Variants in RICTOR observed in about 807,000 individuals in gnomAD.
RICTOR encodes the protein rapamycin-insensitive companion of mTOR.
In RICTOR, 49 loss-of-function variants were observed where a neutral mutation model predicts 214.9. The ratio of observed to expected loss-of-function variants is 0.23; its 90% CI spans 0.18 to 0.29. The LOEUF (loss-of-function observed/expected upper bound fraction) is 0.29. Among genes scored for constraint, RICTOR ranks in the 10% least tolerant of loss-of-function variants. The probability of loss-of-function intolerance (pLI) is 1.00; values close to 1 mark genes in which losing one functional copy is unlikely to be tolerated. For synonymous variants in RICTOR, 717 were observed against 711.3 expected, an observed-to-expected ratio of 1.01 and a Z score of -0.13; for missense variants, 1,625 against 2,047.0, an observed-to-expected ratio of 0.79 and a Z score of 3.98.
intron 28 of RICTOR, 107 bp from the exon 29 acceptor site, chr5:38,953,198 G>A (rs544436645): frequency 1.3e-6 from 1 of 742,766 alleles, no homozygotes; most frequent in Admixed American, 2.6e-5. Flanking sequence ...GAGAAAAAAT[G>A]TAAAAGCCTC....
chr5:38,984,717 C>T (rs568124255), intron 7 of RICTOR, among the ~76,000 whole-genome samples: 1 of 152,224 alleles, frequency 6.6e-6, no homozygotes, highest in African/African-American at 2.4e-5. Flanking sequence ...GTAACCAACA[C>T]CATTCCTACT....
Position 38,952,390 on chromosome 5 carries a change from G to C in RICTOR, c.2933C>G (p.Thr978Ser), listed in dbSNP as rs767977009. 1.2e-6 allele frequency: 2 copies of C among 1,612,432 alleles called. No individual in the cohort carries two copies. Among genetic ancestry groups the C allele is most frequent in the Non-Finnish European group, 1.7e-6 (2 of 1,178,944 alleles). ...TTTTAGAATATCACAGCCTTGTTTG[G>C]TTTTAGCTATGAGCCCAAGTACATA... ...CVYVLGLIAK[T>S]KQGCDILKCH... Residue 978 changes from threonine (T) to serine (S), a missense_variant, in exon 30 of 38, where the codon ACC becomes AGC. Coordinates refer to ENST00000357387, the MANE Select transcript of RICTOR (RefSeq NM_152756.5).
intron 15 of RICTOR, among the ~76,000 whole-genome samples, chr5:38,965,360 A>G (rs2150028681): frequency 6.6e-6 from 1 of 152,158 alleles, no homozygotes; most frequent in Admixed American, 6.5e-5. Context: ...AAAATAAGAA[A>G]TATTAATTTC....
intron 2 of RICTOR, among the ~76,000 whole-genome samples, chr5:39,040,444 T>C (rs1757085386): frequency 6.6e-6 from 1 of 152,162 alleles, no homozygotes; most frequent in Non-Finnish European, 1.5e-5. Flanking sequence ...TGTGCACATG[T>C]ACCCTAAAAC....
chr5:38,950,076 C>T lies in RICTOR; in HGVS notation c.3772G>A (p.Val1258Met). 6.2e-7 allele frequency: 1 copy of T among 1,612,742 alleles called. No individual in the cohort carries two copies. The highest frequency in any genetic ancestry group is 2.2e-5 in the East Asian group (1 of 44,856). The part of the protein sequence containing the change: ...MDTDCGSMST[V>M]VSTKTIKTSH... ...GTCTTAATAGTTTTAGTACTTACCACAGTACTCATGCTTCCACAGTCTGTG... is the reference window on the plus strand; with the variant it reads ...GTCTTAATAGTTTTAGTACTTACCATAGTACTCATGCTTCCACAGTCTGTG... The change falls in exon 31 of 38, where the codon GTG (valine) becomes ATG (methionine). Residue 1258 changes from valine (V) to methionine (M), a missense_variant. Coordinates refer to ENST00000357387, the MANE Select transcript of RICTOR (RefSeq NM_152756.5).
chr5:38,987,035 T>G (rs1752225472), intron 7 of RICTOR, among the ~76,000 whole-genome samples: 1 of 152,232 alleles, frequency 6.6e-6, no homozygotes, highest in Non-Finnish European at 1.5e-5. Flanking sequence ...TGTACTGATT[T>G]GCGTATGCTG....
intron 34 of RICTOR, 32 bp from the exon 35 acceptor site, chr5:38,945,100 C>T (rs768297279): frequency 1.4e-6 from 2 of 1,473,582 alleles, no homozygotes; most frequent in Non-Finnish European, 1.9e-6. Context: ...TCAATTAAAG[C>T]ACCATAACGG....
chr5:39,042,621 C>T lies in RICTOR; in HGVS notation c.98-21485G>A, dbSNP rs554856235. Among the ~76,000 whole-genome samples, 41 of 152,200 alleles carry T rather than the reference C, an allele frequency of 2.7e-4. 1 individual carries two copies. The highest frequency in any genetic ancestry group is 9.2e-4 in the African/African-American group (38 of 41,522). On this transcript the variant is annotated intron_variant, in intron 2 of 37. Transcript: ENST00000357387. ...GACAATGTACCTTCAGTGTTCATAC[C>T]GGTTTATAATTACACACTTAATTGT...
chr5:39,017,770 T>C (rs1195581869), intron 3 of RICTOR, among the ~76,000 whole-genome samples: 1 of 152,136 alleles, frequency 6.6e-6, no homozygotes, highest in African/African-American at 2.4e-5. Flanking sequence ...GAAATAAAAA[T>C]CAAATCCAAG....
At chr5:39,042,731 T>C (rs1224676397) in intron 2 of RICTOR, among the ~76,000 whole-genome samples, 1 of 152,222 alleles carries the variant, frequency 6.6e-6, no homozygotes, top group Non-Finnish European at 1.5e-5. Flanking sequence ...AAAACAATGG[T>C]TGGCAAACAG....
intron 2 of RICTOR, among the ~76,000 whole-genome samples, chr5:39,071,068 A>G (rs1193284990): frequency 6.6e-6 from 1 of 152,222 alleles, no homozygotes; most frequent in Non-Finnish European, 1.5e-5. Flanking sequence ...CAGCACTAAC[A>G]CAAGTACCAA....
intron 5 of RICTOR, among the ~76,000 whole-genome samples, chr5:38,999,027 CA>C (rs1186312478): frequency 0.023 from 592 of 25,372 alleles, 3 homozygotes; most frequent in African/African-American, 0.075. Context: ...AACAAACAGG[CA>C]AAAAAAAAAA....
intron 2 of RICTOR, among the ~76,000 whole-genome samples, chr5:39,038,120 C>T (rs1756873128): frequency 6.6e-6 from 1 of 152,154 alleles, no homozygotes; most frequent in Admixed American, 6.5e-5. Context: ...GCTTATCCAC[C>T]ATGATCAAGT....
chr5:38,944,769 T>G (rs1747989583), intron 35 of RICTOR, 144 bp downstream of exon 35: 1 of 867,438 alleles, frequency 1.2e-6, no homozygotes. Flanking sequence ...GTGCAATAAT[T>G]AACAGTGTTA....
intron 7 of RICTOR, among the ~76,000 whole-genome samples, chr5:38,990,559 T>TATATACATG (rs1561501013): frequency 3.3e-5 from 4 of 119,458 alleles, no homozygotes; most frequent in African/African-American, 9.1e-5. Flanking sequence ...ATATACACGA[T>TATATACATG]ATATACACGA....
intron 6 of RICTOR, among the ~76,000 whole-genome samples, chr5:38,995,742 T>C (rs937047120): frequency 3.3e-5 from 5 of 152,156 alleles, no homozygotes; most frequent in African/African-American, 1.2e-4. Context: ...TTGTTTTATC[T>C]TGAATTCTCA....
At chr5:38,959,172 T>G in intron 22 of RICTOR, 23 bp downstream of exon 22, 7 of 1,536,620 alleles carry the variant, frequency 4.6e-6, no homozygotes, top group Non-Finnish European at 5.2e-6. Context: ...TAAATATAGT[T>G]TTACTGGCTA....
Position 38,950,612 on chromosome 5 carries a change from A to C in RICTOR, c.3236T>G (p.Ile1079Arg). ...EPTFYDRSGPIKDKNSFPFFA... is the reference protein window; with the variant it reads ...EPTFYDRSGPRKDKNSFPFFA... Reference sequence around the variant, plus strand: ...GAAAGGGAATGAATTTTTATCCTTTATGGGTCCAGATCGGTCATAAAATGT... The same window carrying C: ...GAAAGGGAATGAATTTTTATCCTTTCTGGGTCCAGATCGGTCATAAAATGT... Residue 1079 changes from isoleucine to arginine, a missense_variant, in exon 31 of 38, where the codon ATA becomes AGA. By Grantham distance (97) the Ile-to-Arg change is moderately conservative. This residue lies in a region of RICTOR where 1,214 missense variants were observed against 1,470.5 expected (regional missense o/e 0.83). Coordinates refer to ENST00000357387, the MANE Select transcript of RICTOR (RefSeq NM_152756.5). 6.2e-7 allele frequency: 1 copy of C among 1,613,248 alleles called. No homozygotes were observed. Among genetic ancestry groups the C allele is most frequent in the Non-Finnish European group, 8.5e-7 (1 of 1,179,424 alleles).
intron 2 of RICTOR, among the ~76,000 whole-genome samples, chr5:39,026,898 C>T (rs976162921): frequency 4.6e-5 from 7 of 152,016 alleles, no homozygotes; most frequent in African/African-American, 1.7e-4. Context: ...ATCCCAGCTA[C>T]TCAGGAGGCT....
Sources: allele counts gnomAD v4.1 joint callset (sites outside exome capture counted in the v4.1 genomes callset), GRCh38; gene constraint gnomAD v4.1.1; regional missense constraint gnomAD v4.1.1; transcripts MANE v1.5; gene names NCBI Gene and HGNC (gene_info 2026-07-23, HGNC 2026-07-21).